Variants in BICD1 observed in about 807,000 individuals in gnomAD.
The protein encoded by BICD1 is protein bicaudal D homolog 1.
A neutral mutation model predicts 92.5 loss-of-function variants in BICD1; 35 were observed. That is an observed-to-expected ratio of 0.38 (90% CI 0.29 to 0.50). The LOEUF (loss-of-function observed/expected upper bound fraction) is 0.50, where lower values mean the gene tolerates loss of function less well. BICD1 is among the 20% of genes least tolerant of loss of function. The pLI is 0.93. For missense variants in BICD1, 950 were observed against 1,189.8 expected (o/e 0.80, Z 2.97); for synonymous variants, 429 against 465.1 (o/e 0.92, Z 1.00).
At chr12:32,226,349 G>C (rs567092973) in intron 2 of BICD1, among the ~76,000 whole-genome samples, 1 of 152,254 alleles carries the variant, frequency 6.6e-6, no homozygotes, top group East Asian at 1.9e-4. Flanking sequence ...TGGTCAGCTG[G>C]TCTCAAACTC....
At chr12:32,202,992 ATATCT>A (rs755148276) in intron 1 of BICD1, among the ~76,000 whole-genome samples, 12 of 152,182 alleles carry the variant, frequency 7.9e-5, no homozygotes, top group Non-Finnish European at 1.6e-4. Flanking sequence ...TCCTACTTAG[ATATCT>A]TATGACCATT....
intron 1 of BICD1, among the ~76,000 whole-genome samples, chr12:32,124,749 A>AG (rs1942269303): frequency 1.3e-5 from 2 of 151,870 alleles, no homozygotes; most frequent in Non-Finnish European, 2.9e-5. Context: ...AGCCTGTAGA[A>AG]GAGGGAAGGC....
intron 8 of BICD1, among the ~76,000 whole-genome samples, chr12:32,356,346 GGA>G (rs1939097099): frequency 6.6e-6 from 1 of 152,148 alleles, no homozygotes; most frequent in African/African-American, 2.4e-5. Context: ...AGAGCACAGA[GGA>G]GAGAGAATAG....
At chr12:32,274,199 T>C (rs1947219261) in intron 2 of BICD1, among the ~76,000 whole-genome samples, 1 of 152,194 alleles carries the variant, frequency 6.6e-6, no homozygotes, top group Non-Finnish European at 1.5e-5. Flanking sequence ...TAAAAACACA[T>C]CTTTGAGTTT....
intron 4 of BICD1, among the ~76,000 whole-genome samples, chr12:32,321,113 G>A (rs1487479399): frequency 2.0e-5 from 3 of 152,106 alleles, no homozygotes; most frequent in South Asian, 2.1e-4. Context: ...ATCACCTGAG[G>A]TCAGGGGTTT....
intron 8 of BICD1, among the ~76,000 whole-genome samples, chr12:32,341,241 C>G (rs887035036): frequency 1.3e-5 from 2 of 151,876 alleles, no homozygotes; most frequent in Non-Finnish European, 2.9e-5. Flanking sequence ...TTTGGGAGGC[C>G]AAGGCAGGTG....
intron 1 of BICD1, among the ~76,000 whole-genome samples, chr12:32,187,472 G>A (rs1277872803): frequency 1.3e-5 from 2 of 152,104 alleles, no homozygotes; most frequent in East Asian, 3.9e-4. Flanking sequence ...AGGAGTTGGA[G>A]ACCAGCCTGA....
intron 1 of BICD1, among the ~76,000 whole-genome samples, chr12:32,178,741 T>G (rs968048413): frequency 2.6e-5 from 4 of 151,936 alleles, no homozygotes; most frequent in African/African-American, 9.7e-5. Flanking sequence ...CTCAGGCAGG[T>G]GGCTTGTTGG....
chr12:32,313,656 T>G lies in BICD1; in HGVS notation c.1005+7534T>G, dbSNP rs1051586709. ...TCCTAGTACAAAGCTGACAAATGGCTAAACTATTACAGATTTTATAGTTAG... is the reference window on the plus strand; with the variant it reads ...TCCTAGTACAAAGCTGACAAATGGCGAAACTATTACAGATTTTATAGTTAG... On this transcript the variant is annotated intron_variant, in intron 4 of 9. Coordinates refer to ENST00000652176, the MANE Select transcript of BICD1 (RefSeq NM_001714.4). The surrounding 1 kb of genome is among the most constrained non-coding windows in gnomAD (Gnocchi z 4.2). Among the ~76,000 whole-genome samples the G allele has an allele frequency of 6.6e-6, 1 of 152,246 alleles. No homozygotes were observed. Among genetic ancestry groups the G allele is most frequent in the Non-Finnish European group, 1.5e-5 (1 of 68,044 alleles).
chr12:32,142,560 T>G (rs1274328401), intron 1 of BICD1, among the ~76,000 whole-genome samples: 2 of 149,788 alleles, frequency 1.3e-5, no homozygotes, highest in Non-Finnish European at 3.0e-5. Context: ...TTGTTATTTA[T>G]AGCATGATTG....
In BICD1 at chr12:32,225,621, G is replaced by GTTTTTTTTTTTT. The variant is rs58895470; in HGVS notation, c.426+9171_426+9182dup. Among the ~76,000 whole-genome samples, 502 of 92,740 alleles carry GTTTTTTTTTTTT rather than the reference G, an allele frequency of 5.4e-3. 35 individuals are homozygous for GTTTTTTTTTTTT. The highest frequency in any genetic ancestry group is 0.053 in the East Asian group (115 of 2,162). The allele number at this position is 92,740 out of a possible 152,430, so 60.8% of individuals were successfully genotyped here. On this transcript the variant is annotated intron_variant, in intron 2 of 9. Coordinates refer to ENST00000652176, the MANE Select transcript of BICD1 (RefSeq NM_001714.4). ...TGGTATTTGACAGTTCTTTTTTTCT[G>GTTTTTTTTTTTT]TTTTTTTTTTTTTTTTTTTTAGACG...
chr12:32,276,892 T>C (rs972304367), intron 2 of BICD1, among the ~76,000 whole-genome samples: 2 of 152,194 alleles, frequency 1.3e-5, no homozygotes, highest in Admixed American at 6.5e-5. Flanking sequence ...TAGTAAGCAA[T>C]AGGTAAAAAA....
At chr12:32,177,696 A>G (rs1450252507) in intron 1 of BICD1, among the ~76,000 whole-genome samples, 5 of 9,298 alleles carry the variant, frequency 5.4e-4, no homozygotes, top group African/African-American at 2.5e-3. Context: ...TTAAAGTTAA[A>G]TGATTTAGTA....
intron 1 of BICD1, among the ~76,000 whole-genome samples, chr12:32,142,976 C>G (rs1004456171): frequency 3.3e-5 from 5 of 152,080 alleles, no homozygotes; most frequent in Non-Finnish European, 7.3e-5. Flanking sequence ...AAATAGTTCT[C>G]TCTTCTCAAC....
intron 1 of BICD1, among the ~76,000 whole-genome samples, chr12:32,123,870 C>T (rs1405965684): frequency 4.0e-5 from 6 of 149,894 alleles, no homozygotes; most frequent in African/African-American, 9.8e-5. Flanking sequence ...GAGCAAGACT[C>T]CGTCTGAAAA....
At chr12:32,251,822 G>A (rs1038250550) in intron 2 of BICD1, among the ~76,000 whole-genome samples, 4 of 150,430 alleles carry the variant, frequency 2.7e-5, no homozygotes, top group African/African-American at 7.3e-5. Context: ...AGGTAAAGCA[G>A]GATGTACATT....
intron 1 of BICD1, among the ~76,000 whole-genome samples, chr12:32,175,890 C>T (rs1296014859): frequency 6.6e-6 from 1 of 152,150 alleles, no homozygotes. Flanking sequence ...CCTGTTCGCA[C>T]CTTTACCCCT....
intron 5 of BICD1, among the ~76,000 whole-genome samples, chr12:32,331,749 G>GCT (rs1181595641): frequency 6.6e-6 from 1 of 152,150 alleles, no homozygotes; most frequent in African/African-American, 2.4e-5. Context: ...GATTAAGGAT[G>GCT]CTCAACCTGT....
intron 1 of BICD1, among the ~76,000 whole-genome samples, chr12:32,210,115 TCA>T (rs1945169927): frequency 6.6e-6 from 1 of 152,076 alleles, no homozygotes; most frequent in South Asian, 2.1e-4. Flanking sequence ...ATGCTCTGGA[TCA>T]CAGAGTTTTT....
Sources: gnomAD v4.1 joint callset for allele counts (sites outside exome capture counted in the v4.1 genomes callset) on GRCh38, gnomAD v4.1.1 for gene constraint, Gnocchi (gnomAD v3.1) non-coding constraint, MANE v1.5 for transcripts, NCBI Gene and HGNC (gene_info 2026-07-23, HGNC 2026-07-21) for gene names.